PLEKHA5: variants seen among roughly 807,000 people sequenced by gnomAD.
PLEKHA5 encodes pleckstrin homology domain containing A5.
Under a neutral mutation model 181.9 loss-of-function variants are expected in PLEKHA5, and 55 were observed. That is an observed-to-expected ratio of 0.30 (90% confidence interval 0.24 to 0.38). PLEKHA5 has a LOEUF of 0.38. Ranked by LOEUF, PLEKHA5 falls within the 10% of genes least tolerant of loss-of-function variation. PLEKHA5 has a pLI of 1.00. For synonymous variants in PLEKHA5, 535 were observed against 529.4 expected, an observed-to-expected ratio of 1.01 and a Z score of -0.15; for missense variants, 1,432 against 1,549.5, an observed-to-expected ratio of 0.92 and a Z score of 1.27.
chr12:19,146,240 G>C (rs2038887087), intron 3 of PLEKHA5, among the ~76,000 whole-genome samples: 2 of 152,126 alleles, frequency 1.3e-5, no homozygotes, highest in South Asian at 4.1e-4. Context: ...TAGGCCAATG[G>C]GCAAAAATGG....
intron 3 of PLEKHA5, among the ~76,000 whole-genome samples, chr12:19,188,266 G>A (rs1008819475): frequency 1.6e-4 from 25 of 152,168 alleles, no homozygotes; most frequent in African/African-American, 6.0e-4. Context: ...AGTAGAATTA[G>A]AGAGGCAATT....
chr12:19,167,094 A>G (rs2044576475), intron 3 of PLEKHA5, among the ~76,000 whole-genome samples: 3 of 152,162 alleles, frequency 2.0e-5, no homozygotes, highest in African/African-American at 7.2e-5. Context: ...TACCTGTTGT[A>G]TCTGTTAAGG....
At position 19,274,508 on chromosome 12, in the gene PLEKHA5, G is replaced by T; in HGVS notation, c.846-8G>T. 1 of 1,539,232 alleles carries T rather than the reference G, an allele frequency of 6.5e-7. No homozygotes were observed. The highest frequency in any genetic ancestry group is 1.2e-5 in the South Asian group (1 of 86,382). The stretch of plus-strand genomic sequence containing the variant: ...CTGATTTACTATGATTTTCTTCTCT[G>T]ATTTCAGAGTGGACAAGATTACATC... On this transcript the variant is annotated splice_region_variant and splice_polypyrimidine_tract_variant and intron_variant, in intron 10 of 31. Transcript: ENST00000429027.
At chr12:19,189,294 A>T (rs1264004539) in intron 3 of PLEKHA5, among the ~76,000 whole-genome samples, 3 of 152,200 alleles carry the variant, frequency 2.0e-5, no homozygotes, top group Non-Finnish European at 4.4e-5. Context: ...AAACAAGGAG[A>T]ATAGTTAAGA....
chr12:19,152,900 A>G (rs1022622973), intron 3 of PLEKHA5: 1 of 152,020 alleles, frequency 6.6e-6, no homozygotes, highest in Non-Finnish European at 1.5e-5. Context: ...ACTCTCCTAC[A>G]TTGTAGCTTA....
At chr12:19,304,275 G>A (rs2082489491) in intron 15 of PLEKHA5, among the ~76,000 whole-genome samples, 1 of 152,084 alleles carries the variant, frequency 6.6e-6, no homozygotes, top group African/African-American at 2.4e-5. Context: ...CGTAGTAGTG[G>A]GCACCTGTAA....
chr12:19,351,398 G>C (rs1228735164), intron 25 of PLEKHA5, among the ~76,000 whole-genome samples: 2 of 152,040 alleles, frequency 1.3e-5, no homozygotes, highest in Non-Finnish European at 2.9e-5. Context: ...AATGTATTTA[G>C]CTTTTTTTTA....
intron 20 of PLEKHA5, among the ~76,000 whole-genome samples, chr12:19,334,525 C>T (rs2093164231): frequency 1.3e-5 from 2 of 151,998 alleles, no homozygotes; most frequent in African/African-American, 4.8e-5. Context: ...GCCTGTAATA[C>T]CCTCTTAGCC....
At chr12:19,251,330 C>A (rs552558884) in intron 3 of PLEKHA5, among the ~76,000 whole-genome samples, 4 of 151,528 alleles carry the variant, frequency 2.6e-5, no homozygotes, top group African/African-American at 7.3e-5. Context: ...TCCTTTGAAC[C>A]CAGGAGGCAG....
chr12:19,176,979 C>G (rs749060674), intron 3 of PLEKHA5, among the ~76,000 whole-genome samples: 1 of 151,916 alleles, frequency 6.6e-6, no homozygotes, highest in Non-Finnish European at 1.5e-5. Flanking sequence ...GTCTCTCTCC[C>G]GCCTCGGCCT....
chr12:19,244,907 T>C (rs149911688), intron 3 of PLEKHA5, among the ~76,000 whole-genome samples: 1 of 151,898 alleles, frequency 6.6e-6, no homozygotes, highest in African/African-American at 2.4e-5. Flanking sequence ...AAAAGCAGAG[T>C]GGATTTTGGA....
rs761490082 is a variant in PLEKHA5, at chr12:19,274,695, G to C, written c.1025G>C (p.Arg342Thr). 6.2e-7 allele frequency: 1 copy of C among 1,613,964 alleles called. No individual in the cohort carries two copies. Among genetic ancestry groups the C allele is most frequent in the Non-Finnish European group, 8.5e-7 (1 of 1,179,970 alleles). ...KYGFQKDGQD[R>T]PLTKINSVKL... The stretch of plus-strand genomic sequence containing the variant: ...GGATTTCAGAAGGATGGTCAAGATA[G>C]ACCCTTAACAAAAATTAATAGTGTA... Residue 342 changes from arginine (R) to threonine (T), a missense_variant, in exon 11 of 32, where the codon AGA (arginine) becomes ACA (threonine). Transcript: ENST00000429027.
At chr12:19,325,525 T>TA (rs1330565715) in intron 20 of PLEKHA5, among the ~76,000 whole-genome samples, 1 of 151,154 alleles carries the variant, frequency 6.6e-6, no homozygotes, top group African/African-American at 2.4e-5. Flanking sequence ...CCGCCTCTAA[T>TA]AAAAATACAA....
At chr12:19,249,306 C>T (rs950159086) in intron 3 of PLEKHA5, among the ~76,000 whole-genome samples, 4 of 152,078 alleles carry the variant, frequency 2.6e-5, no homozygotes, top group African/African-American at 7.2e-5. Context: ...TGTTTGAACA[C>T]AAAAACTGCA....
chr12:19,370,483 C>T (rs2095547163), intron 31 of PLEKHA5, among the ~76,000 whole-genome samples: 1 of 151,986 alleles, frequency 6.6e-6, no homozygotes, highest in Admixed American at 6.6e-5. Flanking sequence ...GTACTTATAG[C>T]GTACTCTAAA....
In PLEKHA5 at chr12:19,257,501, T is replaced by C. The variant is rs539252229; in HGVS notation, c.501T>C (p.Asn167=). ...CAAATTCAATTAAAAGGAATCCTAA[T>C]GCACCGGTTGTCAGACGAGGTTGGC... The part of the protein sequence containing the change: ...KRSNSIKRNP[N]APVVRRGWLY... The change falls in exon 6 of 32, where the codon AAT becomes AAC. Residue 167 remains asparagine (N), a synonymous_variant. Transcript: ENST00000429027. 1.2e-6 allele frequency: 2 copies of C among 1,605,670 alleles called. No individual in the cohort carries two copies. The highest frequency in any genetic ancestry group is 1.3e-5 in the African/African-American group (1 of 74,532).
intron 20 of PLEKHA5, among the ~76,000 whole-genome samples, chr12:19,325,475 G>A (rs2091881903): frequency 6.6e-6 from 1 of 151,010 alleles, no homozygotes; most frequent in Admixed American, 6.6e-5. Flanking sequence ...GGATCACAAG[G>A]TCAGGAGTTC....
chr12:19,261,095 A>G lies in PLEKHA5; in HGVS notation c.610+74A>G, dbSNP rs576900492. 15 of 751,942 alleles carry G rather than the reference A, an allele frequency of 2.0e-5. 1 individual carries two copies. In the African/African-American group the frequency reaches 2.1e-4, roughly 10 times the overall value. 46.6% of individuals were successfully genotyped at this position (751,942 alleles called of 1,614,324 possible). A position where few individuals can be genotyped will look rare whatever the true frequency, so the allele number is the denominator to read the frequency against. On this transcript the variant is annotated intron_variant, in intron 7 of 31. Transcript: ENST00000429027. ...ATATAAGTTAAGTATCAGATACTTTAAAAAGTATTGTAACTCTGTGTGCTA... is the reference window on the plus strand; with the variant it reads ...ATATAAGTTAAGTATCAGATACTTTGAAAAGTATTGTAACTCTGTGTGCTA...
At chr12:19,362,637 G>A (rs2095290106) in intron 29 of PLEKHA5, among the ~76,000 whole-genome samples, 1 of 152,132 alleles carries the variant, frequency 6.6e-6, no homozygotes, top group Admixed American at 6.6e-5. Context: ...GTGCATGCCT[G>A]TAGTTCCAGC....
Sources: allele counts gnomAD v4.1 joint callset (sites outside exome capture counted in the v4.1 genomes callset), GRCh38; gene constraint gnomAD v4.1.1; transcripts MANE v1.5; gene names NCBI Gene and HGNC (gene_info 2026-07-23, HGNC 2026-07-21).